LYST: variants seen among roughly 807,000 people sequenced by gnomAD.
LYST encodes the protein lysosomal-trafficking regulator.
In LYST, 192 loss-of-function variants were observed where a neutral mutation model predicts 413.6. The ratio of observed to expected loss-of-function variants is 0.46; its 90% CI spans 0.41 to 0.52. The LOEUF (loss-of-function observed/expected upper bound fraction) is 0.52, where lower values mean the gene tolerates loss of function less well. Among genes scored for constraint, LYST ranks in the 20% least tolerant of loss-of-function variants. The probability of loss-of-function intolerance (pLI) is 0.00; values close to 1 mark genes in which losing one functional copy is unlikely to be tolerated. For missense variants in LYST, 3,815 were observed against 4,499.9 expected, an observed-to-expected ratio of 0.85 and a Z score of 4.35; for synonymous variants, 1,525 against 1,567.3, an observed-to-expected ratio of 0.97 and a Z score of 0.64.
chr1:235,715,176 T>G (rs757459182), intron 42 of LYST, 25 bp downstream of exon 42: 3 of 1,605,770 alleles, frequency 1.9e-6, no homozygotes, highest in South Asian at 1.1e-5. Context: ...CAACATGACT[T>G]TTTAGGCAGT....
intron 28 of LYST, among the ~76,000 whole-genome samples, chr1:235,749,319 A>T (rs1439702068): frequency 6.6e-6 from 1 of 152,204 alleles, no homozygotes; most frequent in African/African-American, 2.4e-5. Flanking sequence ...ACTTAGAAAC[A>T]ATTAGAAAGC....
At chr1:235,824,433 A>G (rs1675103443) in intron 3 of LYST, among the ~76,000 whole-genome samples, 1 of 152,212 alleles carries the variant, frequency 6.6e-6, no homozygotes, top group Non-Finnish European at 1.5e-5. Context: ...TTTATACTGG[A>G]AGGATCCCTT....
rs1300601560 is a variant in LYST at position 235,857,774 on chromosome 1, C to CAT, written c.-98+9068_-98+9069insAT. ...ACACACACACACACACACACACACA[C>CAT]ACACACACACATATATATATAAAAT... On this transcript the variant is annotated intron_variant, in intron 1 of 52. Coordinates refer to ENST00000389793, the MANE Select transcript of LYST (RefSeq NM_000081.4). Among the ~76,000 whole-genome samples, 6 of 141,732 alleles carry CAT rather than the reference C, an allele frequency of 4.2e-5. No individual in the cohort carries two copies. In the South Asian group the frequency reaches 6.5e-4, roughly 15 times the overall value. The allele number at this position is 141,732 out of a possible 152,430, so 93.0% of individuals were successfully genotyped here.
Position 235,809,960 on chromosome 1 carries a change from C to A in LYST, c.858G>T (p.Val286=). Residue 286 remains valine, a synonymous_variant, in exon 5 of 53, where the codon GTG becomes GTT. Coordinates refer to ENST00000389793, the MANE Select transcript of LYST (RefSeq NM_000081.4). The surrounding 1 kb of genome is among the most constrained non-coding windows in gnomAD (Gnocchi z 4.0). ...CTGCTAGGAATTCAGTTAGTGTGGG[C>A]ACTACACTGGCTGCTAAAGGAGAAT... ...NHNSPLAASV[V]PTLTEFLAGF... 1 of 1,613,616 alleles carries A rather than the reference C, an allele frequency of 6.2e-7. No individual in the cohort carries two copies. The highest frequency in any genetic ancestry group is 8.5e-7 in the Non-Finnish European group (1 of 1,179,664).
intron 48 of LYST, among the ~76,000 whole-genome samples, 158 bp from the exon 49 acceptor site, chr1:235,677,777 T>A (rs529481351): frequency 6.6e-5 from 10 of 151,372 alleles, no homozygotes; most frequent in African/African-American, 2.2e-4. Context: ...AATTAAAAAA[T>A]TTTTAATTCC....
chr1:235,805,276 G>T (rs1255010787), intron 6 of LYST, among the ~76,000 whole-genome samples: 1 of 152,202 alleles, frequency 6.6e-6, no homozygotes, highest in Non-Finnish European at 1.5e-5. Context: ...TTCCTGGGAA[G>T]CTCTGGAGCC....
Position 235,664,759 on chromosome 1 carries a change from TG to T in LYST, c.11039-139del, listed in dbSNP as rs1228769929. ...TTGTAGACAACCCATGACTGAAGAC[TG>T]TATAAATGAAATTACTACACAAGTT... On this transcript the variant is annotated intron_variant, in intron 50 of 52. Coordinates refer to ENST00000389793, the MANE Select transcript of LYST (RefSeq NM_000081.4). The surrounding 1 kb of genome is among the most constrained non-coding windows in gnomAD (Gnocchi z 4.5). 7 of 733,526 alleles carry T rather than the reference TG, an allele frequency of 9.5e-6. No homozygotes were observed. Among genetic ancestry groups the T allele is most frequent in the Admixed American group, 2.2e-5 (1 of 45,406 alleles). 45.4% of individuals were successfully genotyped at this position (733,526 alleles called of 1,614,324 possible). A position where few individuals can be genotyped will look rare whatever the true frequency, so the allele number is the denominator to read the frequency against.
rs550999108 is a variant in LYST at position 235,733,444 on chromosome 1, T to C, written c.8801+59A>G. On this transcript the variant is annotated intron_variant, in intron 34 of 52. Coordinates refer to ENST00000389793, the MANE Select transcript of LYST (RefSeq NM_000081.4). ...TGAATTCCGGAATACAAATTCCGTTTAACATCAATATCTTAAATCTTCATG... is the reference window on the plus strand; with the variant it reads ...TGAATTCCGGAATACAAATTCCGTTCAACATCAATATCTTAAATCTTCATG... The C allele has an allele frequency of 2.1e-5, 30 of 1,421,674 alleles. No individual in the cohort carries two copies. In the South Asian group the frequency reaches 2.8e-4, roughly 13 times the overall value. 88.1% of individuals were successfully genotyped at this position (1,421,674 alleles called of 1,614,324 possible).
At chr1:235,800,741 C>A in intron 9 of LYST, 130 bp downstream of exon 9, 1 of 683,768 alleles carries the variant, frequency 1.5e-6, no homozygotes, top group South Asian at 1.8e-5. Flanking sequence ...TAGGTATTCA[C>A]CTGAGGTACC....
chr1:235,718,075 G>A (rs1445003797), intron 40 of LYST, among the ~76,000 whole-genome samples: 2 of 151,468 alleles, frequency 1.3e-5, no homozygotes, highest in East Asian at 1.9e-4. Context: ...TGTTGGCCAC[G>A]CTGGTCTCAA....
Position 235,753,342 on chromosome 1 carries a change from T to G in LYST, c.7230-68A>C, listed in dbSNP as rs1185103296. On this transcript the variant is annotated intron_variant, in intron 25 of 52. Coordinates refer to ENST00000389793, the MANE Select transcript of LYST (RefSeq NM_000081.4). ...CAAAATAAGAAAATATGATAGCAAC[T>G]ATGGGTCATCTTGCTAACTTGATTT... The G allele has an allele frequency of 4.2e-6, 4 of 949,192 alleles. No homozygotes were observed. The African/African-American group carries it at 4.9e-5, about 12-fold the overall frequency. 58.8% of individuals were successfully genotyped at this position (949,192 alleles called of 1,614,324 possible). A position where few individuals can be genotyped will look rare whatever the true frequency, so the allele number is the denominator to read the frequency against.
chr1:235,816,464 T>TAAAAAAAAAAAAAAA (rs1189960579), intron 3 of LYST, among the ~76,000 whole-genome samples: 1 of 105,086 alleles, frequency 9.5e-6, no homozygotes, highest in African/African-American at 4.6e-5. Context: ...AAATAAAAAA[T>TAAAAAAAAAAAAAAA]AAAAATAAAA....
intron 18 of LYST, 67 bp from the exon 19 acceptor site, chr1:235,774,058 A>C: frequency 9.5e-7 from 1 of 1,057,028 alleles, no homozygotes; most frequent in Non-Finnish European, 1.5e-6. Context: ...CAACAGAAAC[A>C]TTAAGCTTTC....
intron 19 of LYST, among the ~76,000 whole-genome samples, chr1:235,772,740 T>C (rs1558221917): frequency 6.6e-6 from 1 of 152,162 alleles, no homozygotes; most frequent in African/African-American, 2.4e-5. Flanking sequence ...GTGTATCCAT[T>C]TCCCTCTCCT....
intron 10 of LYST, among the ~76,000 whole-genome samples, chr1:235,796,968 C>A (rs1032354546): frequency 1.2e-4 from 19 of 152,068 alleles, no homozygotes; most frequent in African/African-American, 4.6e-4. Context: ...ATTAAAAAGG[C>A]ATATAATAAC....
At chr1:235,774,772 GTTTGATTAAC>G in intron 18 of LYST, 131 bp downstream of exon 18, 1 of 612,470 alleles carries the variant, frequency 1.6e-6, no homozygotes, top group Non-Finnish European at 2.9e-6. Context: ...GAGTATCTTA[GTTTGATTAAC>G]TATACACTAA....
chr1:235,716,811 AT>A, intron 40 of LYST, 33 bp from the exon 41 acceptor site: 1 of 1,286,856 alleles, frequency 7.8e-7, no homozygotes, highest in Non-Finnish European at 1.1e-6. Context: ...AAAATTAAAT[AT>A]TTTGATACTG....
intron 3 of LYST, among the ~76,000 whole-genome samples, chr1:235,817,517 T>A (rs372146426): frequency 6.6e-6 from 1 of 152,190 alleles, no homozygotes. Flanking sequence ...ATATACATCA[T>A]GAAATACTGT....
chr1:235,751,902 A>C (rs912606775), intron 27 of LYST, 103 bp downstream of exon 27: 7 of 860,082 alleles, frequency 8.1e-6, no homozygotes, highest in Non-Finnish European at 1.3e-5. Context: ...ATTAATGTTA[A>C]ACTTTTAGTA....
Sources: gnomAD v4.1 joint callset for allele counts (sites outside exome capture counted in the v4.1 genomes callset) on GRCh38, gnomAD v4.1.1 for gene constraint, Gnocchi (gnomAD v3.1) non-coding constraint, MANE v1.5 for transcripts, NCBI Gene and HGNC (gene_info 2026-07-23, HGNC 2026-07-21) for gene names.